PRICKLE3: variants seen among roughly 807,000 people sequenced by gnomAD.
PRICKLE3 encodes the protein LIM domain only protein 6.
A neutral mutation model predicts 33.8 loss-of-function variants in PRICKLE3; 17 were observed. That is an observed-to-expected ratio of 0.50 (90% CI 0.34 to 0.75). PRICKLE3 has a LOEUF of 0.75. Ranked by LOEUF, PRICKLE3 falls within the 30% of genes least tolerant of loss-of-function variation. The pLI is 0.01. For missense variants in PRICKLE3, 573 were observed against 576.7 expected (o/e 0.99, Z 0.07); for synonymous variants, 211 against 219.6 (o/e 0.96, Z 0.34).
chrX:49,181,210 A>G (rs1357238510), intron 3 of PRICKLE3, among the ~76,000 whole-genome samples: 1 of 107,800 alleles, frequency 9.3e-6, no homozygotes, highest in African/African-American at 3.4e-5. Context: ...TCTACAAAAA[A>G]TACAAAAATC....
intron 1 of PRICKLE3, among the ~76,000 whole-genome samples, chrX:49,185,893 T>C (rs1481240515): frequency 1.4e-5 from 1 of 71,329 alleles, no homozygotes; most frequent in African/African-American, 5.9e-5. Context: ...AGAGATTCAG[T>C]CTCAAAAAAA....
chrX:49,178,525 G>C, intron 5 of PRICKLE3, 50 bp from the exon 6 acceptor site: 2 of 1,138,067 alleles, frequency 1.8e-6, no homozygotes, highest in South Asian at 3.8e-5. Context: ...CACCAAGATG[G>C]TCAGATGGAT....
rs973962589 is a variant in PRICKLE3, at chrX:49,185,574, G to A, written c.42+682C>T. On this transcript the variant is annotated intron_variant, in intron 1 of 8. Coordinates refer to ENST00000599218, the MANE Select transcript of PRICKLE3 (RefSeq NM_006150.5). ...GGAGTGTAGGACTCCATCCCTCCGT[G>A]CACATTCCTCCAAGGTACTGTGTCC... 2.7e-5 allele frequency among the ~76,000 whole-genome samples: 3 copies of A among 110,834 alleles called. No individual in the cohort carries two copies. The Admixed American group carries it at 2.9e-4, about 11-fold the overall frequency.
Position 49,178,309 on chromosome X carries a change from G to T in PRICKLE3, c.731C>A (p.Ala244Asp), listed in dbSNP as rs1557100481. The T allele has an allele frequency of 8.3e-7, 1 of 1,202,244 alleles. No homozygotes were observed. The highest frequency in any genetic ancestry group is 3.0e-5 in the East Asian group (1 of 33,226). ...VGKVYCGRHH[A>D]ECLRPRCQAC... ...TTGGCAGCGTGGACGCAGGCATTCG[G>T]CATGGTGACGCCCGCAGTAGACCTT... The change falls in exon 6 of 9, where the codon GCC becomes GAC. Residue 244 changes from alanine to aspartate, a missense_variant. Coordinates refer to ENST00000599218, the MANE Select transcript of PRICKLE3 (RefSeq NM_006150.5).
intron 1 of PRICKLE3, among the ~76,000 whole-genome samples, chrX:49,185,994 C>T (rs1256086422): frequency 9.2e-6 from 1 of 108,600 alleles, no homozygotes; most frequent in Non-Finnish European, 1.9e-5. Context: ...TTCCCTCCCA[C>T]AATTCATAAG....
At chrX:49,181,950 ATT>A (rs781960710) in intron 3 of PRICKLE3, among the ~76,000 whole-genome samples, 4 of 94,057 alleles carry the variant, frequency 4.3e-5, no homozygotes, top group Non-Finnish European at 6.4e-5. Context: ...CACCCAGCCT[ATT>A]TTTTTTTTTT....
At position 49,176,910 on chromosome X, in the gene PRICKLE3, T is replaced by C; in HGVS notation, c.1248A>G (p.Leu416=). The change falls in exon 8 of 9, where the codon TTA becomes TTG. Residue 416 remains leucine (L), a synonymous_variant. Coordinates refer to ENST00000599218, the MANE Select transcript of PRICKLE3 (RefSeq NM_006150.5). ...GCTAGAGGGTTAGCTCACCTGGCGC[T>C]AACTCTGTGCTGGTGCCTTTGGTGG... is the stretch of plus-strand genomic sequence containing the variant. The part of the protein sequence containing the change: ...ETTTKGTSTE[L]APATGPEEPS... 8.4e-7 allele frequency: 1 copy of C among 1,194,297 alleles called. No individual in the cohort carries two copies.
At chrX:49,186,223 C>T in intron 1 of PRICKLE3, 33 bp downstream of exon 1, 1 of 1,154,983 alleles carries the variant, frequency 8.7e-7, no homozygotes, top group Non-Finnish European at 1.2e-6. Flanking sequence ...CAGTTTACCC[C>T]CGACCCCCAC....
intron 7 of PRICKLE3, among the ~76,000 whole-genome samples, chrX:49,177,677 C>T (rs1006680431): frequency 8.1e-5 from 9 of 111,361 alleles, no homozygotes; most frequent in Non-Finnish European, 1.1e-4. Flanking sequence ...TGGAGGAGAA[C>T]GGGGCACAGC....
chrX:49,184,210 G>C (rs1557101570), intron 2 of PRICKLE3, among the ~76,000 whole-genome samples: 1 of 110,283 alleles, frequency 9.1e-6, no homozygotes, highest in Non-Finnish European at 1.9e-5. Flanking sequence ...TGGGCTCTGA[G>C]CCTGTGGGTA....
chrX:49,183,419 C>T (rs1457585402), intron 3 of PRICKLE3, among the ~76,000 whole-genome samples: 4 of 111,521 alleles, frequency 3.6e-5, no homozygotes, highest in African/African-American at 1.3e-4. Context: ...AATAGCCAGG[C>T]AGGGTGGCAT....
Position 49,179,345 on chromosome X carries a change from A to G in PRICKLE3, c.470T>C (p.Leu157Pro). The G allele has an allele frequency of 8.3e-7, 1 of 1,210,765 alleles. No individual in the cohort carries two copies. The highest frequency in any genetic ancestry group is 1.1e-6 in the Non-Finnish European group (1 of 895,162). The change falls in exon 5 of 9, where the codon CTC (leucine) becomes CCC (proline). Residue 157 changes from leucine to proline, a missense_variant. Physicochemically the swap from Leu to Pro is moderately conservative, Grantham distance 98. Coordinates refer to ENST00000599218, the MANE Select transcript of PRICKLE3 (RefSeq NM_006150.5). Reference sequence around the variant, plus strand: ...CTTCCGCTGCTGGCTAAAGGCTCGGAGCTCTTTCTTTTCCTCCTCTTCCAG... The same window carrying G: ...CTTCCGCTGCTGGCTAAAGGCTCGGGGCTCTTTCTTTTCCTCCTCTTCCAG... ...TALEEEEKKE[L>P]RAFSQQRKRE...
chrX:49,176,194 G>T lies in PRICKLE3; in HGVS notation c.1327C>A (p.Leu443Ile). The T allele has an allele frequency of 2.6e-6, 3 of 1,174,861 alleles. No homozygotes were observed. The highest frequency in any genetic ancestry group is 3.4e-6 in the Non-Finnish European group (3 of 876,733). ...PHRHSMPELG[L>I]RSVPEPPPES... Reference sequence around the variant, plus strand: ...GGGGGCGGCTCGGGGACACTGCGGAGCCCCAGTTCCGGCATGGAGTGGCGG... The same window carrying T: ...GGGGGCGGCTCGGGGACACTGCGGATCCCCAGTTCCGGCATGGAGTGGCGG... The change falls in exon 9 of 9, where the codon CTC becomes ATC. Residue 443 changes from leucine to isoleucine, a missense_variant. Physicochemically the swap from Leu to Ile is conservative, Grantham distance 5 (BLOSUM62 2). Transcript: ENST00000599218.
intron 3 of PRICKLE3, among the ~76,000 whole-genome samples, chrX:49,183,413 G>T (rs1557101434): frequency 2.7e-5 from 3 of 111,529 alleles, no homozygotes; most frequent in South Asian, 7.4e-4. Context: ...TTTAAAAATA[G>T]CCAGGCAGGG....
chrX:49,176,227 C>A lies in PRICKLE3; in HGVS notation c.1294G>T (p.Ala432Ser). ...PEEPSRFLRG[A>S]PHRHSMPELG... ...TCCGGCATGGAGTGGCGGTGGGGAG[C>A]CCCTCTCAGAAAGCGGGAGGGCTCC... The change falls in exon 9 of 9, where the codon GCT becomes TCT. Residue 432 changes from alanine (A) to serine (S), a missense_variant. Physicochemically the swap from Ala to Ser is moderately conservative, Grantham distance 99 (BLOSUM62 1). Coordinates refer to ENST00000599218, the MANE Select transcript of PRICKLE3 (RefSeq NM_006150.5). The A allele has an allele frequency of 8.7e-7, 1 of 1,151,984 alleles. No individual in the cohort carries two copies. Among genetic ancestry groups the A allele is most frequent in the Non-Finnish European group, 1.2e-6 (1 of 865,938 alleles). The allele number at this position is 1,151,984 out of a possible 1,213,427, so 94.9% of individuals were successfully genotyped here.
At chrX:49,182,241 C>T (rs782798686) in intron 3 of PRICKLE3, among the ~76,000 whole-genome samples, 11 of 111,420 alleles carry the variant, frequency 9.9e-5, no homozygotes, top group African/African-American at 1.6e-4. Flanking sequence ...GCCACCATGC[C>T]GGCCTTTCTG....
chrX:49,176,792 C>T, intron 8 of PRICKLE3, 111 bp downstream of exon 8: 1 of 785,010 alleles, frequency 1.3e-6, no homozygotes, highest in Non-Finnish European at 1.7e-6. Context: ...CCCAGGGATA[C>T]AGCAGGTGAA....
At chrX:49,177,659 C>G (rs889527839) in intron 7 of PRICKLE3, among the ~76,000 whole-genome samples, 1 of 111,599 alleles carries the variant, frequency 9.0e-6, no homozygotes, top group Admixed American at 9.5e-5. Context: ...TAGGCTGATA[C>G]AGGAGAGTGG....
intron 3 of PRICKLE3, among the ~76,000 whole-genome samples, chrX:49,181,588 C>T (rs1197230552): frequency 1.9e-5 from 1 of 52,843 alleles, no homozygotes; most frequent in African/African-American, 6.7e-5. Context: ...TATATATACG[C>T]GTGTATCTAT....
Sources: allele counts gnomAD v4.1 joint callset (sites outside exome capture counted in the v4.1 genomes callset), GRCh38; gene constraint gnomAD v4.1.1; transcripts MANE v1.5; gene names NCBI Gene and HGNC (gene_info 2026-07-23, HGNC 2026-07-21).